DOCK4: variants seen among roughly 807,000 people sequenced by gnomAD.
DOCK4 encodes the protein dedicator of cytokinesis 4.
DOCK4 carries 97 observed loss-of-function variants against 268.1 expected under a neutral mutation model. That is an observed-to-expected ratio of 0.36 (90% CI 0.31 to 0.43). The LOEUF (loss-of-function observed/expected upper bound fraction) is 0.43. DOCK4 is among the 20% of genes least tolerant of loss of function. The pLI, the probability that DOCK4 is intolerant of heterozygous loss-of-function variation, is 1.00. For synonymous variants in DOCK4, 954 were observed against 887.2 expected (o/e 1.08, Z -1.34); for missense variants, 2,145 against 2,455.7 (o/e 0.87, Z 2.67).
chr7:111,807,278 A>T (rs549332820), intron 30 of DOCK4, among the ~76,000 whole-genome samples: 3 of 152,302 alleles, frequency 2.0e-5, no homozygotes, highest in East Asian at 3.9e-4. Flanking sequence ...GTCGAATGCA[A>T]TATGGACACT....
rs138601784 is a variant in DOCK4, at chr7:111,946,547, T to G, written c.702-749A>C. ...ATAATGCTGTTGATCAGCCACTAAT[T>G]CATAGCAATAAATACTTATGCATGC... is the stretch of plus-strand genomic sequence containing the variant. On this transcript the variant is annotated intron_variant, in intron 8 of 52. Coordinates refer to ENST00000428084, the MANE Select transcript of DOCK4 (RefSeq NM_001363540.2). 9.5e-4 allele frequency among the ~76,000 whole-genome samples: 145 copies of G among 152,332 alleles called. 2 individuals carry two copies. In the East Asian group the frequency reaches 0.018, roughly 18 times the overall value.
chr7:112,017,483 G>A (rs1801909338), intron 1 of DOCK4, among the ~76,000 whole-genome samples: 1 of 152,172 alleles, frequency 6.6e-6, no homozygotes, highest in East Asian at 1.9e-4. Context: ...TATGGGAGAG[G>A]TAGAGAGGTC....
At chr7:112,097,925 C>G (rs763614401) in intron 1 of DOCK4, among the ~76,000 whole-genome samples, 16 of 152,178 alleles carry the variant, frequency 1.1e-4, no homozygotes, top group Non-Finnish European at 2.2e-4. Flanking sequence ...CATCAACAAT[C>G]TGTTATATAA....
intron 1 of DOCK4, among the ~76,000 whole-genome samples, chr7:112,128,941 T>G (rs1225439147): frequency 6.6e-6 from 1 of 152,214 alleles, no homozygotes; most frequent in Non-Finnish European, 1.5e-5. Context: ...ATCCCTCTCA[T>G]ATACTGCTGG....
intron 16 of DOCK4, among the ~76,000 whole-genome samples, chr7:111,887,829 G>A (rs1237346918): frequency 1.3e-5 from 2 of 151,992 alleles, no homozygotes; most frequent in South Asian, 2.1e-4. Context: ...AGATGCAGGA[G>A]GAAGAGAGAG....
chr7:111,749,341 G>C (rs929648089), intron 42 of DOCK4, among the ~76,000 whole-genome samples: 2 of 152,158 alleles, frequency 1.3e-5, no homozygotes, highest in Non-Finnish European at 2.9e-5. Flanking sequence ...GGTTCCCAGG[G>C]TCTAGGGGAA....
At chr7:111,886,186 TA>T (rs1276744994) in intron 16 of DOCK4, among the ~76,000 whole-genome samples, 1 of 152,072 alleles carries the variant, frequency 6.6e-6, no homozygotes, top group Non-Finnish European at 1.5e-5. Flanking sequence ...GTAATCACAT[TA>T]AAAAAATACA....
chr7:111,877,265 G>A, intron 16 of DOCK4, 79 bp from the exon 17 acceptor site: 1 of 1,162,860 alleles, frequency 8.6e-7, no homozygotes, highest in Non-Finnish European at 1.1e-6. Flanking sequence ...TATATTACTA[G>A]TGTTTATAAA....
At chr7:111,869,485 T>C (rs1159536002) in intron 21 of DOCK4, 89 bp downstream of exon 21, 9 of 1,119,536 alleles carry the variant, frequency 8.0e-6, no homozygotes, top group Non-Finnish European at 1.2e-5. Flanking sequence ...TCATCACCCA[T>C]TACTGTCTGT....
intron 52 of DOCK4, among the ~76,000 whole-genome samples, chr7:111,728,942 A>AG (rs1794869567): frequency 6.6e-6 from 1 of 152,224 alleles, no homozygotes; most frequent in Non-Finnish European, 1.5e-5. Flanking sequence ...TTGGACACAC[A>AG]GGGAGACGTC....
At chr7:111,744,842 C>A (rs1363381375) in intron 44 of DOCK4, among the ~76,000 whole-genome samples, 2 of 152,176 alleles carry the variant, frequency 1.3e-5, no homozygotes, top group African/African-American at 4.8e-5. Context: ...TCTTCTGTGG[C>A]CACCTCTCTC....
intron 13 of DOCK4, among the ~76,000 whole-genome samples, chr7:111,907,655 G>A (rs561313157): frequency 1.6e-4 from 24 of 152,278 alleles, no homozygotes; most frequent in African/African-American, 4.6e-4. Flanking sequence ...TAAGCTAAGC[G>A]GTGTGGGGGT....
At chr7:112,001,343 C>T (rs777166404) in intron 2 of DOCK4, among the ~76,000 whole-genome samples, 13 of 152,140 alleles carry the variant, frequency 8.5e-5, no homozygotes, top group Non-Finnish European at 1.3e-4. Flanking sequence ...AAATCCCGTG[C>T]CTGCCCGCTC....
intron 27 of DOCK4, among the ~76,000 whole-genome samples, chr7:111,816,309 A>G (rs995538915): frequency 6.6e-6 from 1 of 152,224 alleles, no homozygotes; most frequent in African/African-American, 2.4e-5. Context: ...TGAAAAACTA[A>G]GGACATCTAA....
chr7:111,998,304 G>T, intron 4 of DOCK4, 144 bp downstream of exon 4: 1 of 624,318 alleles, frequency 1.6e-6, no homozygotes, highest in Non-Finnish European at 2.6e-6. Flanking sequence ...CGGTCTTAAT[G>T]CAATATATCT....
At chr7:111,962,035 T>G (rs1344413941) in intron 8 of DOCK4, among the ~76,000 whole-genome samples, 1 of 151,922 alleles carries the variant, frequency 6.6e-6, no homozygotes. Flanking sequence ...ACCAAGAAAT[T>G]TTGTCATATT....
intron 1 of DOCK4, among the ~76,000 whole-genome samples, chr7:112,171,790 C>G (rs1025645684): frequency 3.3e-5 from 5 of 152,216 alleles, no homozygotes; most frequent in African/African-American, 1.2e-4. Context: ...GCTGCCATAA[C>G]AAAATACCAG....
chr7:111,896,902 TAGAG>T (rs1398432528), intron 15 of DOCK4, among the ~76,000 whole-genome samples: 1 of 152,018 alleles, frequency 6.6e-6, no homozygotes, highest in Non-Finnish European at 1.5e-5. Context: ...TTCAACCCCA[TAGAG>T]AAACTGGAAA....
intron 25 of DOCK4, among the ~76,000 whole-genome samples, chr7:111,837,991 C>T (rs923979271): frequency 6.9e-6 from 1 of 145,338 alleles, no homozygotes; most frequent in African/African-American, 2.6e-5. Flanking sequence ...GAGGCTGAGG[C>T]AGGAGAATTG....
Sources: gnomAD v4.1 joint callset for allele counts (sites outside exome capture counted in the v4.1 genomes callset) on GRCh38, gnomAD v4.1.1 for gene constraint, MANE v1.5 for transcripts, NCBI Gene and HGNC (gene_info 2026-07-23, HGNC 2026-07-21) for gene names.